Variants in FBXO41 observed in about 807,000 individuals in gnomAD.
FBXO41 encodes the protein F-box protein 41, also known as F-box only protein 41.
In FBXO41, 33 loss-of-function variants were observed where a neutral mutation model predicts 81.6. That is an observed-to-expected ratio of 0.40 (90% CI 0.31 to 0.54). The LOEUF (loss-of-function observed/expected upper bound fraction) is 0.54, where lower values mean the gene tolerates loss of function less well. Among genes scored for constraint, FBXO41 ranks in the 20% least tolerant of loss-of-function variants. The probability of loss-of-function intolerance (pLI) is 0.39; values close to 1 mark genes in which losing one functional copy is unlikely to be tolerated. For missense variants in FBXO41, 1,107 were observed against 1,236.0 expected, an observed-to-expected ratio of 0.90 and a Z score of 1.56; for synonymous variants, 576 against 552.7, an observed-to-expected ratio of 1.04 and a Z score of -0.59.
intron 2 of FBXO41, among the ~76,000 whole-genome samples, chr2:73,268,421 G>T (rs1455119439): frequency 6.6e-6 from 1 of 152,072 alleles, no homozygotes; most frequent in African/African-American, 2.4e-5. Flanking sequence ...GGGGAGAGTT[G>T]AGCTATATCT....
At chr2:73,262,853 C>T (rs935900604) in intron 9 of FBXO41, among the ~76,000 whole-genome samples, 13 of 152,206 alleles carry the variant, frequency 8.5e-5, no homozygotes, top group Non-Finnish European at 1.9e-4. Flanking sequence ...TCAAGCGATT[C>T]TCCTGCCTTA....
Position 73,268,904 on chromosome 2 carries a change from G to T in FBXO41, c.727C>A (p.Arg243Ser). The change falls in exon 2 of 13, where the codon CGC becomes AGC. Residue 243 changes from arginine (R) to serine (S), a missense_variant. Around this residue, in one of 2 missense-constraint regions of FBXO41, gnomAD observed 771 missense variants for 789.2 expected, o/e 0.98. Transcript: ENST00000520530. ...QVGRLQAELE[R>S]KAAELETARQ... is the part of the protein sequence containing the mutation. Reference sequence around the variant, plus strand: ...GCAGTCTCCAGTTCGGCCGCCTTGCGCTCCAGCTCGGCCTGCAGCCGGCCC... The same window carrying T: ...GCAGTCTCCAGTTCGGCCGCCTTGCTCTCCAGCTCGGCCTGCAGCCGGCCC... 1 of 1,546,636 alleles carries T rather than the reference G, an allele frequency of 6.5e-7. No homozygotes were observed.
At chr2:73,278,534 C>T (rs1320634920) in intron 1 of FBXO41, among the ~76,000 whole-genome samples, 1 of 152,222 alleles carries the variant, frequency 6.6e-6, no homozygotes, top group Non-Finnish European at 1.5e-5. Context: ...CAAAGACAAA[C>T]AAGATCCAGT....
chr2:73,281,370 G>A (rs528602155), intron 1 of FBXO41, among the ~76,000 whole-genome samples: 1 of 152,336 alleles, frequency 6.6e-6, no homozygotes, highest in South Asian at 2.1e-4. Context: ...CTTGCCCAAG[G>A]AAGGCCTGTA....
chr2:73,259,313 A>G lies in FBXO41; in HGVS notation c.2450-17T>C, dbSNP rs1485189262. ...GGCAGATGCCTGAGAAAAGGTGAGCAAAGTAGGGGCGTGTTTGGCCTGGGC... is the reference window on the plus strand; with the variant it reads ...GGCAGATGCCTGAGAAAAGGTGAGCGAAGTAGGGGCGTGTTTGGCCTGGGC... On this transcript the variant is annotated splice_polypyrimidine_tract_variant and intron_variant, in intron 11 of 12. Coordinates refer to ENST00000520530, the MANE Select transcript of FBXO41 (RefSeq NM_001371389.2). The surrounding 1 kb of genome is among the most constrained non-coding windows in gnomAD (Gnocchi z 4.2). 6.2e-7 allele frequency: 1 copy of G among 1,608,908 alleles called. No homozygotes were observed. The highest frequency in any genetic ancestry group is 8.5e-7 in the Non-Finnish European group (1 of 1,175,472).
Position 73,266,891 on chromosome 2 carries a change from T to C in FBXO41, c.906-209A>G. The C allele has an allele frequency of 1.5e-6, 1 of 670,440 alleles. No homozygotes were observed. Among genetic ancestry groups the C allele is most frequent in the South Asian group, 3.2e-5 (1 of 30,908 alleles). The allele number at this position is 670,440 out of a possible 1,614,324, so 41.5% of individuals were successfully genotyped here. A position where few individuals can be genotyped will look rare whatever the true frequency, so the allele number is the denominator to read the frequency against. ...CATGCATGCACTCCGAGCCACACAC[T>C]CACACCCCACCCACCTGGCCCCAGA... On this transcript the variant is annotated intron_variant, in intron 2 of 12. Transcript: ENST00000520530. The surrounding 1 kb of genome is among the most constrained non-coding windows in gnomAD (Gnocchi z 5.3).
intron 9 of FBXO41, among the ~76,000 whole-genome samples, chr2:73,261,069 T>G (rs961982178): frequency 2.0e-5 from 3 of 151,636 alleles, no homozygotes; most frequent in Non-Finnish European, 2.9e-5. Context: ...CTCTTTTTTT[T>G]TTTTTGAGAC....
Position 73,264,469 on chromosome 2 carries a change from G to A in FBXO41, c.1615C>T (p.Pro539Ser), listed in dbSNP as rs1366429044. 5 of 1,613,930 alleles carry A rather than the reference G, an allele frequency of 3.1e-6. No homozygotes were observed. Among genetic ancestry groups the A allele is most frequent in the Admixed American group, 3.3e-5 (2 of 60,034 alleles). ...CTGATGACCTCATTGGAGCGTGAGG[G>A]GCTGACCCTCTCTGCTCGCCGACCC... ...GRGRRAERVSPSRSNEVISPE... is the reference protein window; with the variant it reads ...GRGRRAERVSSSRSNEVISPE... Residue 539 changes from proline to serine, a missense_variant, in exon 6 of 13, where the codon CCC becomes TCC. By Grantham distance (74) the Pro-to-Ser change is moderately conservative (BLOSUM62 -1). Coordinates refer to ENST00000520530, the MANE Select transcript of FBXO41 (RefSeq NM_001371389.2).
chr2:73,273,915 G>A (rs909890543), intron 1 of FBXO41, among the ~76,000 whole-genome samples: 1 of 152,162 alleles, frequency 6.6e-6, no homozygotes, highest in African/African-American at 2.4e-5. Flanking sequence ...TGGTGTTACT[G>A]TCCTCCCAGC....
At position 73,265,314 on chromosome 2, in the gene FBXO41, A is replaced by G. The variant is rs767852948; in HGVS notation, c.1532T>C (p.Met511Thr). 41 of 1,610,568 alleles carry G rather than the reference A, an allele frequency of 2.5e-5. 1 individual carries two copies. In the South Asian group the frequency reaches 3.5e-4, roughly 14 times the overall value. The change falls in exon 5 of 13, where the codon ATG becomes ACG. Residue 511 changes from methionine to threonine, a missense_variant. Transcript: ENST00000520530. ...CCGGCAGCTGCTCAATGGCCCAGCC[A>G]TAGCAGGCCCGGGGCGGGGCGCATC... Reference protein sequence around the residue: ...PLDAPRPGPAMAGPLSSCRLS... With the variant: ...PLDAPRPGPATAGPLSSCRLS...
rs926708336 is a variant in FBXO41 at position 73,256,707 on chromosome 2, T to G, written c.*2275A>C. 5 of 152,162 alleles carry G rather than the reference T, an allele frequency of 3.3e-5. No individual in the cohort carries two copies. The highest frequency in any genetic ancestry group is 1.2e-4 in the African/African-American group (5 of 41,418). 9.4% of individuals were successfully genotyped at this position (152,162 alleles called of 1,614,324 possible). ...CTAGTGCAGGTGGTGCTCAGTACTG[T>G]TGCACTAATGAATGAATGAGTGAGT... is the stretch of plus-strand genomic sequence containing the variant. On this transcript the variant is annotated 3_prime_UTR_variant, in exon 13 of 13. Transcript: ENST00000520530.
intron 1 of FBXO41, among the ~76,000 whole-genome samples, chr2:73,280,665 C>A (rs1688820953): frequency 6.6e-6 from 1 of 152,216 alleles, no homozygotes; most frequent in African/African-American, 2.4e-5. Context: ...TCCATCAAGC[C>A]TTCCTTGACC....
At chr2:73,271,760 A>ACATGT (rs1374066519) in intron 1 of FBXO41, among the ~76,000 whole-genome samples, 6 of 151,932 alleles carry the variant, frequency 3.9e-5, no homozygotes, top group Non-Finnish European at 1.5e-5. Flanking sequence ...CCTCCCGAGT[A>ACATGT]GCTGGGACTA....
rs1688377364 is a variant in FBXO41 at position 73,268,863 on chromosome 2, C to G, written c.768G>C (p.Ala256=). 2 of 1,565,780 alleles carry G rather than the reference C, an allele frequency of 1.3e-6. No individual in the cohort carries two copies. Among genetic ancestry groups the G allele is most frequent in the African/African-American group, 1.4e-5 (1 of 73,532 alleles). The change falls in exon 2 of 13, where the codon GCG becomes GCC. Residue 256 remains alanine (A), a synonymous_variant. Transcript: ENST00000520530. ...AELETARQES[A]RLGREKEELE... is the part of the protein sequence containing the mutation. ...GCTCCTCCTTCTCGCGCCCGAGCCT[C>G]GCACTCTCCTGCCGCGCAGTCTCCA...
chr2:73,282,165 T>C (rs1312426526), intron 1 of FBXO41, among the ~76,000 whole-genome samples: 1 of 152,210 alleles, frequency 6.6e-6, no homozygotes, highest in Non-Finnish European at 1.5e-5. Context: ...GGCTAGTTTT[T>C]GTATTTTTAG....
chr2:73,255,545 G>A lies in FBXO41; in HGVS notation c.*3437C>T, dbSNP rs55693343. ...AGGCTGGGACAGGTCCCATGGGTTC[G>A]AGTTAACTTCTCTGGGCATTTGGGC... is the stretch of plus-strand genomic sequence containing the variant. On this transcript the variant is annotated 3_prime_UTR_variant, in exon 13 of 13. Coordinates refer to ENST00000520530, the MANE Select transcript of FBXO41 (RefSeq NM_001371389.2). The A allele has an allele frequency of 0.073, 11,164 of 152,708 alleles. 539 individuals are homozygous for A. The highest frequency in any genetic ancestry group is 0.11 in the Non-Finnish European group (7,385 of 68,030). 9.5% of individuals were successfully genotyped at this position (152,708 alleles called of 1,614,324 possible). A position where few individuals can be genotyped will look rare whatever the true frequency, so the allele number is the denominator to read the frequency against.
intron 1 of FBXO41, among the ~76,000 whole-genome samples, chr2:73,270,223 T>C (rs899818649): frequency 2.0e-5 from 3 of 151,962 alleles, no homozygotes; most frequent in Admixed American, 6.5e-5. Context: ...ACAGACACAA[T>C]TGATGATGAA....
At position 73,265,601 on chromosome 2, in the gene FBXO41, G is replaced by A. The variant is rs763008438; in HGVS notation, c.1245C>T (p.Gly415=). 12 of 1,530,528 alleles carry A rather than the reference G, an allele frequency of 7.8e-6. No homozygotes were observed. The African/African-American group carries it at 1.1e-4, about 14-fold the overall frequency. 94.8% of individuals were successfully genotyped at this position (1,530,528 alleles called of 1,614,324 possible). A position where few individuals can be genotyped will look rare whatever the true frequency, so the allele number is the denominator to read the frequency against. The part of the protein sequence containing the change: ...SRVPAASQSS[G]CYDSDSLELP... ...GCTCCAGACTGTCACTGTCATAGCAGCCTGAGCTCTGGGATGCGGCTGGCA... is the reference window on the plus strand; with the variant it reads ...GCTCCAGACTGTCACTGTCATAGCAACCTGAGCTCTGGGATGCGGCTGGCA... Residue 415 remains glycine (G), a synonymous_variant, in exon 5 of 13, where the codon GGC becomes GGT. Coordinates refer to ENST00000520530, the MANE Select transcript of FBXO41 (RefSeq NM_001371389.2).
At chr2:73,275,817 C>T (rs1054219737) in intron 1 of FBXO41, among the ~76,000 whole-genome samples, 11 of 152,026 alleles carry the variant, frequency 7.2e-5, no homozygotes, top group South Asian at 2.1e-4. Flanking sequence ...GACAGAGTTT[C>T]GCTGTGTCTC....
Sources: gnomAD v4.1 joint callset for allele counts (sites outside exome capture counted in the v4.1 genomes callset) on GRCh38, gnomAD v4.1.1 for gene constraint, gnomAD v4.1.1 regional missense constraint, Gnocchi (gnomAD v3.1) non-coding constraint, MANE v1.5 for transcripts, NCBI Gene and HGNC (gene_info 2026-07-23, HGNC 2026-07-21) for gene names.